PAMR1: variants seen among roughly 807,000 people sequenced by gnomAD.
PAMR1 encodes the protein inactive serine protease PAMR1.
In PAMR1, 88 loss-of-function variants were observed where a neutral mutation model predicts 81.8. The observed-to-expected ratio is 1.08, with a 90% confidence interval of 0.91 to 1.28. The LOEUF is 1.28. Ranked by LOEUF, PAMR1 falls within the 50% of genes most tolerant of loss-of-function variation. The probability of loss-of-function intolerance (pLI) is 0.00; values close to 1 mark genes in which losing one functional copy is unlikely to be tolerated. For missense variants in PAMR1, 935 were observed against 919.7 expected (o/e 1.02, Z -0.21); for synonymous variants, 336 against 345.3 (o/e 0.97, Z 0.30).
chr11:35,466,402 T>C (rs767701485), intron 6 of PAMR1, among the ~76,000 whole-genome samples: 4 of 152,186 alleles, frequency 2.6e-5, no homozygotes, highest in Non-Finnish European at 2.9e-5. Flanking sequence ...ATTGAAACCA[T>C]GGTTTCCATC....
intron 6 of PAMR1, among the ~76,000 whole-genome samples, chr11:35,456,398 T>C (rs1311947064): frequency 2.0e-5 from 3 of 152,206 alleles, no homozygotes; most frequent in Non-Finnish European, 4.4e-5. Context: ...CCTGCCGTGC[T>C]GTCTGAAAAG....
At chr11:35,472,236 T>C (rs76426745) in intron 4 of PAMR1, among the ~76,000 whole-genome samples, 1 of 152,224 alleles carries the variant, frequency 6.6e-6, no homozygotes, top group Admixed American at 6.5e-5. Flanking sequence ...TTGGCCTTGA[T>C]ATCTTTGTCT....
At chr11:35,524,869 G>A (rs1465621224) in intron 1 of PAMR1, among the ~76,000 whole-genome samples, 1 of 152,184 alleles carries the variant, frequency 6.6e-6, no homozygotes, top group Non-Finnish European at 1.5e-5. Context: ...AGAAGCCAGA[G>A]CTCTTTCAAA....
In PAMR1 at chr11:35,442,253, T is replaced by C. The variant is rs1031520817; in HGVS notation, c.821-560A>G. Among the ~76,000 whole-genome samples, 21 of 152,222 alleles carry C rather than the reference T, an allele frequency of 1.4e-4. 1 individual carries two copies. Among genetic ancestry groups the C allele is most frequent in the African/African-American group, 2.4e-5 (1 of 41,460 alleles). On this transcript the variant is annotated intron_variant, in intron 6 of 10. Transcript: ENST00000619888. ...TTAAAAATACTACAGAACAATATAA[T>C]TGTAGAGATACAATAAATTTCCCTT...
At position 35,439,656 on chromosome 11, in the gene PAMR1, C is replaced by A; in HGVS notation, c.1071G>T (p.Arg357Ser). 1 of 1,614,032 alleles carries A rather than the reference C, an allele frequency of 6.2e-7. No individual in the cohort carries two copies. Among genetic ancestry groups the A allele is most frequent in the Non-Finnish European group, 8.5e-7 (1 of 1,179,912 alleles). The change falls in exon 8 of 11, where the codon AGG becomes AGT. Residue 357 changes from arginine to serine, a missense_variant. Arg to Ser is a moderately radical substitution (Grantham distance 110). Coordinates refer to ENST00000619888, the MANE Select transcript of PAMR1 (RefSeq NM_001001991.3). ...REPKISDLVR[R>S]RVLPMQVQSR... ...ACTGAACCTGCATCGGAAGAACTCT[C>A]CTTCTCACCAGGTCTGAAATCTTTG...
intron 4 of PAMR1, among the ~76,000 whole-genome samples, chr11:35,472,984 T>C (rs551246023): frequency 2.6e-5 from 4 of 152,158 alleles, no homozygotes; most frequent in African/African-American, 9.6e-5. Context: ...ATGGCAGAGC[T>C]GGCAGGAGTG....
intron 1 of PAMR1, 127 bp downstream of exon 1, chr11:35,525,386 C>A: frequency 1.4e-6 from 1 of 719,888 alleles, no homozygotes. Flanking sequence ...CCCCCCTCAA[C>A]CCCTCACCCC....
chr11:35,513,867 T>C (rs1476040897), intron 1 of PAMR1, among the ~76,000 whole-genome samples: 1 of 152,180 alleles, frequency 6.6e-6, no homozygotes, highest in Non-Finnish European at 1.5e-5. Context: ...CATATTCCTT[T>C]GAAAATCACA....
At chr11:35,517,122 A>T (rs1004672102) in intron 1 of PAMR1, among the ~76,000 whole-genome samples, 1 of 152,136 alleles carries the variant, frequency 6.6e-6, no homozygotes, top group Non-Finnish European at 1.5e-5. Flanking sequence ...CTGCCACATC[A>T]TCAGGCGTGC....
chr11:35,461,841 G>T (rs1856662096), intron 6 of PAMR1, among the ~76,000 whole-genome samples: 1 of 152,066 alleles, frequency 6.6e-6, no homozygotes, highest in Non-Finnish European at 1.5e-5. Context: ...ACTAGCTAAT[G>T]GTCTTCCTGG....
At chr11:35,526,029 C>G, upstream of PAMR1, 1 of 184,114 alleles carries the variant, frequency 5.4e-6, no homozygotes, top group East Asian at 1.4e-4. Context: ...CTGGCTTTGC[C>G]CTCTCTGACT....
intron 6 of PAMR1, among the ~76,000 whole-genome samples, chr11:35,450,929 T>C (rs1218650240): frequency 5.3e-5 from 8 of 152,198 alleles, no homozygotes; most frequent in African/African-American, 1.9e-4. Context: ...AGGGCTACAA[T>C]TTGTGTAAAT....
chr11:35,438,703 C>T (rs1248201696), intron 8 of PAMR1, among the ~76,000 whole-genome samples: 4 of 152,086 alleles, frequency 2.6e-5, no homozygotes, highest in African/African-American at 9.7e-5. Flanking sequence ...GTGAGGTTGA[C>T]AGAAATTGAA....
Position 35,468,105 on chromosome 11 carries a change from C to G in PAMR1, c.716G>C (p.Cys239Ser). 2 of 1,549,720 alleles carry G rather than the reference C, an allele frequency of 1.3e-6. No homozygotes were observed. Among genetic ancestry groups the G allele is most frequent in the Non-Finnish European group, 1.7e-6 (2 of 1,144,896 alleles). The change falls in exon 6 of 11, where the codon TGC (cysteine) becomes TCC (serine). Residue 239 changes from cysteine to serine, a missense_variant. Transcript: ENST00000619888. ...GTCATGGAAACAAGGGGATGAGGAG[C>G]ATGCTGTAAGAGAAAAGGCATCCTT... The part of the protein sequence containing the change: ...FHAIYEEITA[C>S]SSSPCFHDGT...
At chr11:35,449,723 C>T (rs1478910909) in intron 6 of PAMR1, among the ~76,000 whole-genome samples, 1 of 152,076 alleles carries the variant, frequency 6.6e-6, no homozygotes, top group East Asian at 1.9e-4. Flanking sequence ...GACCAAAGGC[C>T]CTGGTGGCAT....
intron 1 of PAMR1, among the ~76,000 whole-genome samples, chr11:35,508,956 C>A (rs2135416568): frequency 6.6e-6 from 1 of 152,220 alleles, no homozygotes; most frequent in South Asian, 2.1e-4. Flanking sequence ...CATTGATGGG[C>A]ATTTAGGTTG....
intron 6 of PAMR1, among the ~76,000 whole-genome samples, chr11:35,442,275 C>T (rs1856186457): frequency 6.6e-6 from 1 of 151,974 alleles, no homozygotes; most frequent in African/African-American, 2.4e-5. Flanking sequence ...AATAAATTTC[C>T]CTTGATCTCC....
chr11:35,521,014 ATAT>A (rs1347113186), intron 1 of PAMR1, among the ~76,000 whole-genome samples: 1 of 152,190 alleles, frequency 6.6e-6, no homozygotes, highest in Non-Finnish European at 1.5e-5. Flanking sequence ...AGACTTCTGC[ATAT>A]TCCTGAGGGA....
chr11:35,494,833 T>G (rs1403909213), intron 1 of PAMR1, among the ~76,000 whole-genome samples: 1 of 152,302 alleles, frequency 6.6e-6, no homozygotes, highest in East Asian at 1.9e-4. Context: ...TGCTATTCAT[T>G]TTTATTTTTA....
Sources: gnomAD v4.1 joint callset for allele counts (sites outside exome capture counted in the v4.1 genomes callset) on GRCh38, gnomAD v4.1.1 for gene constraint, MANE v1.5 for transcripts, NCBI Gene and HGNC (gene_info 2026-07-23, HGNC 2026-07-21) for gene names.